The following VBP1 variants were observed in gnomAD, a reference collection of about 807,000 sequenced individuals.
VBP1 encodes the protein VHL binding protein 1, also known as prefoldin subunit 3.
A neutral mutation model predicts 15.5 loss-of-function variants in VBP1; 4 were observed. The observed-to-expected ratio is 0.26, with a 90% CI of 0.13 to 0.59. The LOEUF is 0.59. Ranked by LOEUF, VBP1 falls within the 20% of genes least tolerant of loss-of-function variation. The pLI, the probability that VBP1 is intolerant of heterozygous loss-of-function variation, is 0.90. For synonymous variants in VBP1, 61 were observed against 52.1 expected, an observed-to-expected ratio of 1.17 and a Z score of -0.74; for missense variants, 108 against 139.6, an observed-to-expected ratio of 0.77 and a Z score of 1.14.
Position 155,199,414 on chromosome X carries a change from C to A in VBP1, c.-31+2275C>A, listed in dbSNP as rs781949277. Among the ~76,000 whole-genome samples the A allele has an allele frequency of 8.5e-4, 95 of 111,150 alleles. 1 individual carries two copies. The highest frequency in any genetic ancestry group is 1.1e-3 in the Non-Finnish European group (60 of 52,887). On this transcript the variant is annotated intron_variant, in intron 1 of 6. Coordinates refer to the VBP1 transcript ENST00000535916. Reference sequence around the variant, plus strand: ...ATCAGACTAACAGCGGATCTCTCGGCAGAAACTCTACAAGCCAGAAGAGAG... The same window carrying A: ...ATCAGACTAACAGCGGATCTCTCGGAAGAAACTCTACAAGCCAGAAGAGAG...
intron 4 of VBP1, among the ~76,000 whole-genome samples, chrX:155,232,190 AC>A (rs1445318083): frequency 9.5e-6 from 1 of 105,128 alleles, no homozygotes; most frequent in Non-Finnish European, 2.0e-5. Flanking sequence ...TCCCTTCCTG[AC>A]TATGTTGTTG....
At chrX:155,216,449 GC>G, upstream of VBP1, 4 of 1,162,154 alleles carry the variant, frequency 3.4e-6, no homozygotes, top group Non-Finnish European at 4.6e-6. Flanking sequence ...GCGGCCGGCG[GC>G]CCGGGAGGCA....
At chrX:155,228,512 T>C in intron 4 of VBP1, 30 bp downstream of exon 4, 4 of 1,129,807 alleles carry the variant, frequency 3.5e-6, no homozygotes, top group African/African-American at 1.8e-5. Context: ...ACAGCTGATA[T>C]ATTTGTAAAC....
chrX:155,203,250 C>A (rs782688982), intron 1 of VBP1, among the ~76,000 whole-genome samples: 55 of 110,997 alleles, frequency 5.0e-4, no homozygotes, highest in Non-Finnish European at 9.6e-4. Flanking sequence ...CCCAGCCATC[C>A]CATTACTGGG....
chrX:155,199,848 T>G (rs1268084990), intron 1 of VBP1, among the ~76,000 whole-genome samples: 1 of 112,546 alleles, frequency 8.9e-6, no homozygotes, highest in Non-Finnish European at 1.9e-5. Context: ...ATCAGTGTGC[T>G]GTATTCAGGA....
chrX:155,230,720 G>C (rs2074742063), intron 4 of VBP1, among the ~76,000 whole-genome samples: 1 of 106,860 alleles, frequency 9.4e-6, no homozygotes, highest in Admixed American at 1.0e-4. Context: ...GTCTCACTCT[G>C]TTGCCCAGGC....
chrX:155,216,946 G>A (rs2074668025), intron 1 of VBP1, among the ~76,000 whole-genome samples: 1 of 112,288 alleles, frequency 8.9e-6, no homozygotes, highest in Non-Finnish European at 1.9e-5. Context: ...ATGGATGCTG[G>A]AGACACAGTA....
chrX:155,205,857 C>T (rs1286182984), intron 1 of VBP1, among the ~76,000 whole-genome samples: 3 of 111,651 alleles, frequency 2.7e-5, no homozygotes, highest in Non-Finnish European at 5.6e-5. Context: ...GAGGTTGTCT[C>T]CCCGGTTCAC....
At chrX:155,220,494 T>C (rs1257806162) in intron 2 of VBP1, among the ~76,000 whole-genome samples, 187 bp downstream of exon 2, 2 of 112,143 alleles carry the variant, frequency 1.8e-5, no homozygotes, top group East Asian at 5.5e-4. Flanking sequence ...TTGCCAACAC[T>C]TGGTATTGCC....
intron 2 of VBP1, among the ~76,000 whole-genome samples, chrX:155,226,342 T>TA (rs2074719712): frequency 8.9e-6 from 1 of 112,119 alleles, no homozygotes; most frequent in African/African-American, 3.2e-5. Context: ...GGGAGTCACT[T>TA]ACTAGCATTT....
At chrX:155,220,965 A>C (rs2074686686) in intron 2 of VBP1, among the ~76,000 whole-genome samples, 1 of 110,490 alleles carries the variant, frequency 9.1e-6, no homozygotes, top group Non-Finnish European at 1.9e-5. Flanking sequence ...CTGAGGTGGG[A>C]GGATCACTTC....
intron 4 of VBP1, among the ~76,000 whole-genome samples, chrX:155,233,222 A>G (rs1557311104): frequency 9.0e-6 from 1 of 111,516 alleles, no homozygotes; most frequent in African/African-American, 3.3e-5. Flanking sequence ...ATTCCTTACT[A>G]GCATCTCTGG....
intron 2 of VBP1, among the ~76,000 whole-genome samples, chrX:155,226,798 A>G (rs2074721950): frequency 1.8e-5 from 2 of 111,877 alleles, no homozygotes; most frequent in South Asian, 7.3e-4. Context: ...AATTAGTTTT[A>G]AAATTAATCT....
chrX:155,211,309 C>A (rs2074644158), intron 2 of VBP1, among the ~76,000 whole-genome samples: 1 of 112,255 alleles, frequency 8.9e-6, no homozygotes, highest in Admixed American at 9.4e-5. Flanking sequence ...ATCTTCACTA[C>A]CTCAATGTTG....
At chrX:155,217,449 C>G (rs184399782) in intron 1 of VBP1, among the ~76,000 whole-genome samples, 82 of 112,967 alleles carry the variant, frequency 7.3e-4, no homozygotes, top group African/African-American at 2.4e-3. Context: ...TCTGTCCCCA[C>G]TTAGCTACTA....
chrX:155,235,495 G>T (rs189490507), intron 4 of VBP1, among the ~76,000 whole-genome samples: 1 of 110,986 alleles, frequency 9.0e-6, no homozygotes, highest in African/African-American at 3.3e-5. Context: ...GATAGGGAGA[G>T]TTCAAAGCTG....
chrX:155,228,806 C>T (rs2074732100), intron 4 of VBP1, among the ~76,000 whole-genome samples: 1 of 111,692 alleles, frequency 9.0e-6, no homozygotes, highest in Admixed American at 9.5e-5. Context: ...GGAGGAAGAG[C>T]AATAGAAGTA....
intron 4 of VBP1, among the ~76,000 whole-genome samples, chrX:155,230,691 T>C (rs2074741767): frequency 9.1e-6 from 1 of 110,447 alleles, no homozygotes; most frequent in South Asian, 3.9e-4. Flanking sequence ...TCTCTCTTTT[T>C]TTTTTTTTCT....
chrX:155,198,355 C>T (rs1557306937), intron 1 of VBP1, among the ~76,000 whole-genome samples: 1 of 112,001 alleles, frequency 8.9e-6, no homozygotes, highest in African/African-American at 3.2e-5. Context: ...AACTGGGAGG[C>T]ACCCCTAGTA....
Sources: allele counts gnomAD v4.1 joint callset (sites outside exome capture counted in the v4.1 genomes callset), GRCh38; gene constraint gnomAD v4.1.1; transcripts MANE v1.5; gene names NCBI Gene and HGNC (gene_info 2026-07-23, HGNC 2026-07-21).